BAZ2B: variants seen among roughly 807,000 people sequenced by gnomAD.
BAZ2B encodes the protein bromodomain adjacent to zinc finger domain protein 2B.
In BAZ2B, 91 loss-of-function variants were observed where a neutral mutation model predicts 246.0. The ratio of observed to expected loss-of-function variants is 0.37; its 90% confidence interval spans 0.31 to 0.44. The LOEUF (loss-of-function observed/expected upper bound fraction) is 0.44. Among genes scored for constraint, BAZ2B ranks in the 20% least tolerant of loss-of-function variants. The probability of loss-of-function intolerance (pLI) is 1.00; values close to 1 mark genes in which losing one functional copy is unlikely to be tolerated. For synonymous variants in BAZ2B, 855 were observed against 860.0 expected, an observed-to-expected ratio of 0.99 and a Z score of 0.10; for missense variants, 2,332 against 2,533.7, an observed-to-expected ratio of 0.92 and a Z score of 1.71.
chr2:159,434,755 T>G (rs2071870895), intron 8 of BAZ2B: 1 of 152,112 alleles, frequency 6.6e-6, no homozygotes, highest in South Asian at 2.1e-4. Flanking sequence ...GAAATGGACA[T>G]TCAACATTCT....
At chr2:159,433,553 T>C (rs2071547834) in intron 8 of BAZ2B, 190 bp from the exon 9 acceptor site, 1 of 477,050 alleles carries the variant, frequency 2.1e-6, no homozygotes, top group Non-Finnish European at 3.5e-6. Context: ...TCTAATTTAT[T>C]AAAATTTATT....
At chr2:159,579,514 C>T (rs1686199785) in intron 1 of BAZ2B, among the ~76,000 whole-genome samples, 1 of 152,188 alleles carries the variant, frequency 6.6e-6, no homozygotes, top group Non-Finnish European at 1.5e-5. Context: ...GAGCTGGTAC[C>T]ATTCCTTCTG....
At chr2:159,601,477 C>T (rs1692131735) in intron 1 of BAZ2B, among the ~76,000 whole-genome samples, 1 of 150,132 alleles carries the variant, frequency 6.7e-6, no homozygotes, top group African/African-American at 2.4e-5. Context: ...AATCCCAGCA[C>T]TTCGGGAGGC....
chr2:159,549,062 G>A (rs1381048914), intron 2 of BAZ2B, among the ~76,000 whole-genome samples: 1 of 152,004 alleles, frequency 6.6e-6, no homozygotes, highest in African/African-American at 2.4e-5. Context: ...AGGCAGATTA[G>A]TTGAGGTCAA....
intron 1 of BAZ2B, among the ~76,000 whole-genome samples, chr2:159,574,975 A>AAAAAG (rs1280337768): frequency 6.6e-6 from 1 of 152,152 alleles, no homozygotes; most frequent in Non-Finnish European, 1.5e-5. Context: ...ATCTCAAAAA[A>AAAAAG]AAAAGAAAAG....
At chr2:159,503,100 G>GT (rs113873986) in intron 2 of BAZ2B, among the ~76,000 whole-genome samples, 1,608 of 151,816 alleles carry the variant, frequency 0.011, 31 homozygotes, top group African/African-American at 0.036. Flanking sequence ...GAGTAATCCT[G>GT]TTTTTTTTAA....
At chr2:159,626,495 A>G in the BAZ2B span, among the ~76,000 whole-genome samples, 3 of 152,190 alleles carry the variant, frequency 2.0e-5, no homozygotes, top group Non-Finnish European at 4.4e-5. Flanking sequence ...AGTGCAATCA[A>G]ATTAGAACTC....
intron 1 of BAZ2B, among the ~76,000 whole-genome samples, chr2:159,605,472 G>T (rs1693262101): frequency 6.6e-6 from 1 of 152,134 alleles, no homozygotes; most frequent in Non-Finnish European, 1.5e-5. Context: ...GTTGGTACCT[G>T]CAGTATATTA....
Position 159,325,840 on chromosome 2 carries a change from C to T in BAZ2B, c.6022G>A (p.Val2008Ile). 1 of 1,608,034 alleles carries T rather than the reference C, an allele frequency of 6.2e-7. No homozygotes were observed. Residue 2008 changes from valine to isoleucine, a missense_variant, in exon 35 of 37, where the codon GTA becomes ATA. Transcript: ENST00000392783. ...KTNESKKGKK[V>I]TLTGDTEDED... ...TCTTCAGTATCTCCTGTTAAAGTTA[C>T]CTTCTTGCCTTTCTTTGACTCATTA...
At chr2:159,580,129 G>A (rs1012608121) in intron 1 of BAZ2B, among the ~76,000 whole-genome samples, 3 of 152,174 alleles carry the variant, frequency 2.0e-5, no homozygotes, top group Non-Finnish European at 4.4e-5. Context: ...AAGTCAAATT[G>A]TCCCTGTTTG....
chr2:159,436,601 A>G (rs914603934), intron 8 of BAZ2B, among the ~76,000 whole-genome samples: 3 of 152,142 alleles, frequency 2.0e-5, no homozygotes, highest in African/African-American at 7.2e-5. Context: ...ATACAAAAAA[A>G]TTAGCTGGGC....
intron 31 of BAZ2B, among the ~76,000 whole-genome samples, chr2:159,346,718 C>T (rs2067903210): frequency 6.6e-6 from 1 of 151,950 alleles, no homozygotes; most frequent in African/African-American, 2.4e-5. Flanking sequence ...ACAAAAAACC[C>T]CCAAACCAAA....
intron 1 of BAZ2B, among the ~76,000 whole-genome samples, chr2:159,587,361 C>T (rs998487586): frequency 2.6e-5 from 4 of 152,060 alleles, no homozygotes; most frequent in African/African-American, 7.2e-5. Context: ...ATTACAGGCA[C>T]GAGCCACCAC....
chr2:159,348,534 CTGTT>C (rs2058218042), intron 30 of BAZ2B, 140 bp downstream of exon 30: 1 of 944,868 alleles, frequency 1.1e-6, no homozygotes. Flanking sequence ...CTTTCTTTGA[CTGTT>C]TGATCTGCGA....
At chr2:159,591,452 A>T (rs1193218941) in intron 1 of BAZ2B, among the ~76,000 whole-genome samples, 1 of 152,230 alleles carries the variant, frequency 6.6e-6, no homozygotes. Context: ...AGGTAGGATA[A>T]GGAAAACAGA....
At chr2:159,476,246 A>G (rs771129659) in intron 3 of BAZ2B, among the ~76,000 whole-genome samples, 1 of 152,168 alleles carries the variant, frequency 6.6e-6, no homozygotes, top group Non-Finnish European at 1.5e-5. Context: ...ATGGACTACA[A>G]CACTGTGAAA....
chr2:159,566,026 T>TACA (rs1682484812), intron 1 of BAZ2B, among the ~76,000 whole-genome samples: 1 of 152,166 alleles, frequency 6.6e-6, no homozygotes, highest in Non-Finnish European at 1.5e-5. Context: ...CTTTTTTGTT[T>TACA]TTCAGAAGGA....
the BAZ2B span, among the ~76,000 whole-genome samples, chr2:159,697,399 T>C: frequency 1.3e-5 from 2 of 152,158 alleles, no homozygotes; most frequent in Non-Finnish European, 2.9e-5. Context: ...AACAAACAAT[T>C]CATAAATAAT....
At chr2:159,461,434 A>G (rs2076397120) in intron 3 of BAZ2B, 1 of 152,614 alleles carries the variant, frequency 6.6e-6, no homozygotes, top group African/African-American at 2.4e-5. Flanking sequence ...GTATTTCCTT[A>G]AATAACAGGT....
Sources: gnomAD v4.1 joint callset for allele counts (sites outside exome capture counted in the v4.1 genomes callset) on GRCh38, gnomAD v4.1.1 for gene constraint, MANE v1.5 for transcripts, NCBI Gene and HGNC (gene_info 2026-07-23, HGNC 2026-07-21) for gene names.